Variants in TRIP11 observed in about 807,000 individuals in gnomAD.
TRIP11 encodes thyroid receptor-interacting protein 11.
In TRIP11, 148 loss-of-function variants were observed where a neutral mutation model predicts 223.1. That is an observed-to-expected ratio of 0.66 (90% CI 0.58 to 0.76). The LOEUF (loss-of-function observed/expected upper bound fraction) is 0.76, where lower values mean the gene tolerates loss of function less well. Ranked by LOEUF, TRIP11 falls within the 30% of genes least tolerant of loss-of-function variation. The pLI is 0.00. For synonymous variants in TRIP11, 762 were observed against 772.6 expected (o/e 0.99, Z 0.23); for missense variants, 2,043 against 2,222.0 (o/e 0.92, Z 1.62).
intron 13 of TRIP11, among the ~76,000 whole-genome samples, chr14:91,997,885 CTATTT>C (rs2056770931): frequency 6.6e-6 from 1 of 152,032 alleles, no homozygotes; most frequent in Admixed American, 6.6e-5. Flanking sequence ...AGACTAGAAA[CTATTT>C]TAATTAAGAG....
At chr14:92,003,358 A>G (rs933710697) in intron 11 of TRIP11, 61 bp downstream of exon 11, 6 of 1,591,884 alleles carry the variant, frequency 3.8e-6, no homozygotes, top group South Asian at 2.2e-5. Context: ...AAATGAAATA[A>G]CATTAAAAAA....
At chr14:91,993,196 G>A (rs1364333053) in intron 15 of TRIP11, among the ~76,000 whole-genome samples, 2 of 151,754 alleles carry the variant, frequency 1.3e-5, no homozygotes, top group East Asian at 1.9e-4. Context: ...AAAATTACAC[G>A]CCAGGCGCAG....
At position 92,021,837 on chromosome 14, in the gene TRIP11, T is replaced by C. The variant is rs2057119508; in HGVS notation, c.313-6A>G. On this transcript the variant is annotated splice_polypyrimidine_tract_variant and splice_region_variant and intron_variant, in intron 3 of 20. Coordinates refer to ENST00000267622, the MANE Select transcript of TRIP11 (RefSeq NM_004239.4). ...TTAAGATGGCTGATTTCTACCTATA[T>C]ATTTATAATCCAAGTTTTAGAGAAG... 4 of 1,612,876 alleles carry C rather than the reference T, an allele frequency of 2.5e-6. No homozygotes were observed. The highest frequency in any genetic ancestry group is 2.2e-5 in the East Asian group (1 of 44,904).
At chr14:91,999,820 A>G in intron 12 of TRIP11, 148 bp downstream of exon 12, 1 of 1,035,622 alleles carries the variant, frequency 9.7e-7, no homozygotes, top group Non-Finnish European at 1.4e-6. Context: ...GCACCATGGG[A>G]GATTAAAATT....
chr14:91,974,468 T>A lies in TRIP11; in HGVS notation c.5574+159A>T, dbSNP rs368793374. On this transcript the variant is annotated intron_variant, in intron 19 of 20. Transcript: ENST00000267622. Reference sequence around the variant, plus strand: ...TAAAGTTATGAAAACTGGCTTGTTATCCTTAAGCTTAATCACCTCTCTGGA... The same window carrying A: ...TAAAGTTATGAAAACTGGCTTGTTAACCTTAAGCTTAATCACCTCTCTGGA... Among the ~76,000 whole-genome samples, 177 of 152,320 alleles carry A rather than the reference T, an allele frequency of 1.2e-3. 3 individuals carry two copies. The South Asian group carries it at 0.036, about 31-fold the overall frequency.
intron 16 of TRIP11, among the ~76,000 whole-genome samples, chr14:91,984,061 A>G (rs921278220): frequency 6.6e-5 from 10 of 151,950 alleles, no homozygotes; most frequent in Admixed American, 2.6e-4. Flanking sequence ...TCCATTCTCA[A>G]CTCTTAGGAG....
At position 91,972,705 on chromosome 14, in the gene TRIP11, C is replaced by A; in HGVS notation, c.5719+12G>T. Reference sequence around the variant, plus strand: ...TTTTCAAATTATAGAAAAATTAAATCTCTAGTTTTACCTTTAAAACTTTCT... The same window carrying A: ...TTTTCAAATTATAGAAAAATTAAATATCTAGTTTTACCTTTAAAACTTTCT... On this transcript the variant is annotated intron_variant, in intron 20 of 20. Coordinates refer to ENST00000267622, the MANE Select transcript of TRIP11 (RefSeq NM_004239.4). The A allele has an allele frequency of 6.2e-7, 1 of 1,600,794 alleles. No individual in the cohort carries two copies. The highest frequency in any genetic ancestry group is 1.1e-5 in the South Asian group (1 of 88,616).
Position 92,039,619 on chromosome 14 carries a change from G to C in TRIP11, c.67C>G (p.Leu23Val). 1.9e-6 allele frequency: 3 copies of C among 1,612,990 alleles called. No individual in the cohort carries two copies. In the South Asian group the frequency reaches 3.3e-5, roughly 18 times the overall value. Reference protein sequence around the residue: ...GQSLGQVGGSLASLTGQISNF... With the variant: ...GQSLGQVGGSVASLTGQISNF... Reference sequence around the variant, plus strand: ...GATATCTGGCCAGTGAGGGAAGCCAGGCTGCCCCCGACTTGACCCAGAGAC... The same window carrying C: ...GATATCTGGCCAGTGAGGGAAGCCACGCTGCCCCCGACTTGACCCAGAGAC... The change falls in exon 1 of 21, where the codon CTG becomes GTG. Residue 23 changes from leucine to valine, a missense_variant. Physicochemically the swap from Leu to Val is conservative, Grantham distance 32. Transcript: ENST00000267622.
intron 4 of TRIP11, among the ~76,000 whole-genome samples, chr14:92,019,663 T>C (rs899012625): frequency 6.6e-6 from 1 of 152,212 alleles, no homozygotes; most frequent in Non-Finnish European, 1.5e-5. Context: ...TCCAGTTTAC[T>C]CCAGGTCTCA....
chr14:92,014,878 T>C (rs2057016059), intron 6 of TRIP11, among the ~76,000 whole-genome samples: 1 of 151,386 alleles, frequency 6.6e-6, no homozygotes, highest in African/African-American at 2.4e-5. Context: ...ACCACAAAGG[T>C]AAAAAGGACA....
chr14:92,022,154 C>T (rs765384567), intron 3 of TRIP11, among the ~76,000 whole-genome samples: 2 of 152,186 alleles, frequency 1.3e-5, no homozygotes, highest in Non-Finnish European at 1.5e-5. Flanking sequence ...TCTTAGGGTT[C>T]TGTTTGTGAT....
intron 2 of TRIP11, among the ~76,000 whole-genome samples, chr14:92,029,089 A>G (rs2057226207): frequency 6.6e-6 from 1 of 152,126 alleles, no homozygotes; most frequent in Non-Finnish European, 1.5e-5. Flanking sequence ...AGCAAAATCA[A>G]CTTGTATTTT....
At chr14:91,999,776 C>G (rs1388692054) in intron 12 of TRIP11, among the ~76,000 whole-genome samples, 192 bp downstream of exon 12, 1 of 152,010 alleles carries the variant, frequency 6.6e-6, no homozygotes, top group Non-Finnish European at 1.5e-5. Flanking sequence ...CCGAGATATG[C>G]CATGATTTTC....
At chr14:91,991,092 A>G (rs917381533) in intron 15 of TRIP11, among the ~76,000 whole-genome samples, 1 of 152,138 alleles carries the variant, frequency 6.6e-6, no homozygotes, top group African/African-American at 2.4e-5. Flanking sequence ...CTGATTCCCA[A>G]TGTGGCAGTA....
intron 16 of TRIP11, among the ~76,000 whole-genome samples, chr14:91,981,222 G>A (rs2056539974): frequency 6.6e-6 from 1 of 150,822 alleles, no homozygotes; most frequent in African/African-American, 2.4e-5. Context: ...CTCCATGTTG[G>A]CCAGGCTGGT....
At chr14:92,034,370 C>G (rs1209501938) in intron 1 of TRIP11, among the ~76,000 whole-genome samples, 8 of 151,204 alleles carry the variant, frequency 5.3e-5, no homozygotes, top group Non-Finnish European at 1.0e-4. Context: ...TTGCAGTGAG[C>G]CGACACTGTG....
intron 15 of TRIP11, among the ~76,000 whole-genome samples, chr14:91,990,283 C>T (rs1595375582): frequency 1.3e-5 from 2 of 152,064 alleles, no homozygotes; most frequent in East Asian, 1.9e-4. Context: ...TTTTAACCCA[C>T]ACCATTTGTA....
intron 1 of TRIP11, among the ~76,000 whole-genome samples, chr14:92,035,279 C>A (rs1187747250): frequency 6.6e-6 from 1 of 151,802 alleles, no homozygotes; most frequent in Non-Finnish European, 1.5e-5. Context: ...CAAGATCGTG[C>A]CACTGCACTC....
chr14:92,032,342 G>C (rs2057276328), intron 2 of TRIP11, among the ~76,000 whole-genome samples: 1 of 151,200 alleles, frequency 6.6e-6, no homozygotes, highest in African/African-American at 2.4e-5. Context: ...TTAGAGATGG[G>C]GTTTCACCAT....
Sources: gnomAD v4.1 joint callset for allele counts (sites outside exome capture counted in the v4.1 genomes callset) on GRCh38, gnomAD v4.1.1 for gene constraint, MANE v1.5 for transcripts, NCBI Gene and HGNC (gene_info 2026-07-23, HGNC 2026-07-21) for gene names.